The following FPR2 variants were observed in gnomAD, a reference collection of about 807,000 sequenced individuals.
FPR2 encodes formyl peptide receptor 2.
Under a neutral mutation model 4.0 loss-of-function variants are expected in FPR2, and 3 were observed. That is an observed-to-expected ratio of 0.74 (90% CI 0.34 to 1.92). The LOEUF is 1.92. Ranked by LOEUF, FPR2 falls within the 30% of genes most tolerant of loss-of-function variation. The pLI is 0.07. For synonymous variants in FPR2, 179 were observed against 171.5 expected, an observed-to-expected ratio of 1.04 and a Z score of -0.34; for missense variants, 372 against 435.7, an observed-to-expected ratio of 0.85 and a Z score of 1.30.
rs557467244 is a variant in FPR2 at position 51,766,166 on chromosome 19, C to T, written c.-14-2479C>T. On this transcript the variant is annotated intron_variant, in intron 1 of 1. Coordinates refer to ENST00000340023, the MANE Select transcript of FPR2 (RefSeq NM_001005738.2). ...GAACTCCTGACCTCAGGCAATCCAC[C>T]CCCCTTGGCCTCCCAAAGTGTTGGG... Among the ~76,000 whole-genome samples the T allele has an allele frequency of 1.1e-3, 171 of 152,284 alleles. 1 individual carries two copies. The highest frequency in any genetic ancestry group is 3.6e-3 in the African/African-American group (150 of 41,564).
intron 1 of FPR2, among the ~76,000 whole-genome samples, chr19:51,764,117 G>A (rs1305920789): frequency 6.6e-6 from 1 of 152,146 alleles, no homozygotes; most frequent in Non-Finnish European, 1.5e-5. Context: ...ATGTAATAGT[G>A]AGAATGATCT....
Position 51,769,609 on chromosome 19 carries a change from G to C in FPR2, c.951G>C (p.Leu317=). ...TCCGAGAGAGACTGATCCACTCCCT[G>C]CCCACCAGTCTGGAGAGGGCCCTGT... ...QDFRERLIHS[L]PTSLERALSE... is the part of the protein sequence containing the mutation. Residue 317 remains leucine (L), a synonymous_variant, in exon 2 of 2, where the codon CTG becomes CTC. Coordinates refer to ENST00000340023, the MANE Select transcript of FPR2 (RefSeq NM_001005738.2). This position sits in a 1 kb window ranked among gnomAD's most constrained non-coding sequence, Gnocchi z 4.4. 1.9e-6 allele frequency: 3 copies of C among 1,614,158 alleles called. 1 individual carries two copies. In the South Asian group the frequency reaches 3.3e-5, roughly 18 times the overall value.
rs559201676 is a variant in FPR2, at chr19:51,769,813, C to T, written c.*99C>T. On this transcript the variant is annotated 3_prime_UTR_variant, in exon 2 of 2. Coordinates refer to ENST00000340023, the MANE Select transcript of FPR2 (RefSeq NM_001005738.2). This position sits in a 1 kb window ranked among gnomAD's most constrained non-coding sequence, Gnocchi z 4.4. Reference sequence around the variant, plus strand: ...TCATATTGAGGCATTCAAGGATGCACAGCTCAAGTATTTATTCAGGAAAAA... The same window carrying T: ...TCATATTGAGGCATTCAAGGATGCATAGCTCAAGTATTTATTCAGGAAAAA... 4.8e-5 allele frequency: 46 copies of T among 967,944 alleles called. No homozygotes were observed. The South Asian group carries it at 6.3e-4, about 13-fold the overall frequency. The allele number at this position is 967,944 out of a possible 1,614,324, so 60.0% of individuals were successfully genotyped here.
intron 1 of FPR2, among the ~76,000 whole-genome samples, chr19:51,765,251 G>T (rs1427323632): frequency 1.3e-5 from 2 of 152,164 alleles, no homozygotes; most frequent in African/African-American, 4.8e-5. Flanking sequence ...GGTGGAAAAG[G>T]GTTAACAGCA....
At chr19:51,765,565 G>C (rs1010418131) in intron 1 of FPR2, among the ~76,000 whole-genome samples, 11 of 152,192 alleles carry the variant, frequency 7.2e-5, no homozygotes, top group African/African-American at 2.2e-4. Context: ...GAGAGGCGTT[G>C]ATAGGGTTAA....
Position 51,768,776 on chromosome 19 carries a change from G to A in FPR2, c.118G>A (p.Gly40Arg), listed in dbSNP as rs749741937. Reference sequence around the variant, plus strand: ...GGTGCTTGGGGTCACCTTTGTCCTCGGGGTCCTGGGCAATGGGCTTGTGAT... The same window carrying A: ...GGTGCTTGGGGTCACCTTTGTCCTCAGGGTCCTGGGCAATGGGCTTGTGAT... ...LVVLGVTFVL[G>R]VLGNGLVIWV... is the part of the protein sequence containing the mutation. The change falls in exon 2 of 2, where the codon GGG becomes AGG. Residue 40 changes from glycine (G) to arginine (R), a missense_variant. Transcript: ENST00000340023. The A allele has an allele frequency of 9.9e-6, 16 of 1,613,976 alleles. No homozygotes were observed. Among genetic ancestry groups the A allele is most frequent in the East Asian group, 2.2e-5 (1 of 44,880 alleles).
intron 1 of FPR2, chr19:51,762,749 A>T (rs2083846284): frequency 6.6e-6 from 1 of 152,220 alleles, no homozygotes; most frequent in South Asian, 2.1e-4. Flanking sequence ...ATTGTAGGGC[A>T]GGGGAAAGTA....
At chr19:51,766,899 G>T (rs2122360934) in intron 1 of FPR2, among the ~76,000 whole-genome samples, 1 of 152,314 alleles carries the variant, frequency 6.6e-6, no homozygotes, top group African/African-American at 2.4e-5. Context: ...TACACATACA[G>T]ATTCTAGAAT....
chr19:51,768,006 A>G (rs2083877192), intron 1 of FPR2, among the ~76,000 whole-genome samples: 1 of 152,122 alleles, frequency 6.6e-6, no homozygotes, highest in African/African-American at 2.4e-5. Flanking sequence ...AGGGAAAAGC[A>G]GAGGGTAGAA....
intron 1 of FPR2, among the ~76,000 whole-genome samples, chr19:51,763,833 C>CT (rs2083853614): frequency 6.6e-6 from 1 of 152,164 alleles, no homozygotes; most frequent in Admixed American, 6.5e-5. Flanking sequence ...TCTCAGCTCA[C>CT]TGCAACCTCC....
rs547483223 is a variant in FPR2 at position 51,761,730 on chromosome 19, T to A, written c.-15+500T>A. ...ATCGCTTGAACCTAGGAGGCCGAGG[T>A]TGCAGTGAGCCGATATCGTGCCATT... On this transcript the variant is annotated intron_variant, in intron 1 of 1. Transcript: ENST00000340023. 5.9e-4 allele frequency among the ~76,000 whole-genome samples: 89 copies of A among 152,102 alleles called. 1 individual carries two copies. The South Asian group carries it at 7.3e-3, about 12-fold the overall frequency.
intron 1 of FPR2, among the ~76,000 whole-genome samples, chr19:51,764,712 G>A (rs543309088): frequency 3.3e-5 from 5 of 152,176 alleles, no homozygotes; most frequent in Non-Finnish European, 7.4e-5. Flanking sequence ...GGTATCATCT[G>A]TGGTTCGCAG....
chr19:51,762,918 G>A (rs2083847549), intron 1 of FPR2: 1 of 152,188 alleles, frequency 6.6e-6, no homozygotes, highest in East Asian at 1.9e-4. Flanking sequence ...GAGAGAAAGT[G>A]AAATGAAAGA....
At position 51,769,031 on chromosome 19, in the gene FPR2, AT is replaced by A. The variant is rs1568645866; in HGVS notation, c.376del (p.Cys126ValfsTer14). 1.2e-6 allele frequency: 2 copies of A among 1,614,116 alleles called. No homozygotes were observed. Among genetic ancestry groups the A allele is most frequent in the African/African-American group, 2.7e-5 (2 of 75,012 alleles). ...TGGTTTCATTGCACTGGACCGCTGC[AT>A]TTGTGTCCTGCATCCAGTCTGGGCC... ...LIGFIALDRC[I>X]CVLHPVWAQN... On this transcript the variant is annotated frameshift_variant, in exon 2 of 2. Coordinates refer to ENST00000340023, the MANE Select transcript of FPR2 (RefSeq NM_001005738.2). LOFTEE classifies it low-confidence loss of function (END_TRUNC). This position sits in a 1 kb window ranked among gnomAD's most constrained non-coding sequence, Gnocchi z 4.4.
At chr19:51,768,520 C>T in intron 1 of FPR2, 125 bp from the exon 2 acceptor site, 1 of 745,924 alleles carries the variant, frequency 1.3e-6, no homozygotes, top group South Asian at 1.9e-5. Context: ...GTCAACAAGG[C>T]TTGGTAGATA....
chr19:51,769,419 G>T lies in FPR2; in HGVS notation c.761G>T (p.Trp254Leu). ...TAVVASFFIC[W>L]FPFQLVALLG... Reference sequence around the variant, plus strand: ...GTGGTGGCTTCTTTCTTCATCTGTTGGTTTCCCTTTCAACTGGTTGCCCTT... The same window carrying T: ...GTGGTGGCTTCTTTCTTCATCTGTTTGTTTCCCTTTCAACTGGTTGCCCTT... The change falls in exon 2 of 2, where the codon TGG becomes TTG. Residue 254 changes from tryptophan (W) to leucine (L), a missense_variant. Trp to Leu is a moderately conservative substitution (Grantham distance 61). Transcript: ENST00000340023. This position sits in a 1 kb window ranked among gnomAD's most constrained non-coding sequence, Gnocchi z 4.4. The T allele has an allele frequency of 6.2e-7, 1 of 1,614,152 alleles. No individual in the cohort carries two copies. Among genetic ancestry groups the T allele is most frequent in the Non-Finnish European group, 8.5e-7 (1 of 1,180,024 alleles).
intron 1 of FPR2, among the ~76,000 whole-genome samples, chr19:51,766,375 A>G (rs984948902): frequency 2.2e-4 from 20 of 89,396 alleles, no homozygotes; most frequent in African/African-American, 7.7e-4. Flanking sequence ...GCTGCTCAAC[A>G]TCCTACTGTG....
At position 51,769,147 on chromosome 19, in the gene FPR2, T is replaced by C; in HGVS notation, c.489T>C (p.Phe163=). The change falls in exon 2 of 2, where the codon TTT becomes TTC. Residue 163 remains phenylalanine, a synonymous_variant. Transcript: ENST00000340023. The surrounding 1 kb of genome is among the most constrained non-coding windows in gnomAD (Gnocchi z 4.4). ...TCCTTACCTTGCCAGTTTTCCTCTT[T>C]TTGACTACAGTAACTATTCCAAATG... ...ALVLTLPVFL[F]LTTVTIPNGD... is the part of the protein sequence containing the mutation. The C allele has an allele frequency of 6.2e-7, 1 of 1,614,246 alleles. No individual in the cohort carries two copies. The highest frequency in any genetic ancestry group is 8.5e-7 in the Non-Finnish European group (1 of 1,180,052).
Position 51,769,475 on chromosome 19 carries a change from T to C in FPR2, c.817T>C (p.Phe273Leu). The change falls in exon 2 of 2, where the codon TTC (phenylalanine) becomes CTC (leucine). Residue 273 changes from phenylalanine to leucine, a missense_variant. Phe to Leu is a conservative substitution (Grantham distance 22). Transcript: ENST00000340023. The surrounding 1 kb of genome is among the most constrained non-coding windows in gnomAD (Gnocchi z 4.4). ...CACCGTCTGGCTCAAAGAGATGTTG[T>C]TCTATGGCAAGTACAAAATCATTGA... Reference protein sequence around the residue: ...LGTVWLKEMLFYGKYKIIDIL... With the variant: ...LGTVWLKEMLLYGKYKIIDIL... 1 of 1,614,236 alleles carries C rather than the reference T, an allele frequency of 6.2e-7. No individual in the cohort carries two copies. Among genetic ancestry groups the C allele is most frequent in the Non-Finnish European group, 8.5e-7 (1 of 1,180,042 alleles).
Sources: allele counts gnomAD v4.1 joint callset (sites outside exome capture counted in the v4.1 genomes callset), GRCh38; gene constraint gnomAD v4.1.1; non-coding constraint Gnocchi (gnomAD v3.1); transcripts MANE v1.5; gene names NCBI Gene and HGNC (gene_info 2026-07-23, HGNC 2026-07-21).